Variants in VSNL1 observed in about 807,000 individuals in gnomAD.
The protein encoded by VSNL1 is visinin like 1.
Under a neutral mutation model 20.4 loss-of-function variants are expected in VSNL1, and 6 were observed. The observed-to-expected ratio is 0.29, with a 90% CI of 0.16 to 0.58. The LOEUF (loss-of-function observed/expected upper bound fraction) is 0.58, where lower values mean the gene tolerates loss of function less well. Ranked by LOEUF, VSNL1 falls within the 20% of genes least tolerant of loss-of-function variation. The pLI is 0.90. For synonymous variants in VSNL1, 93 were observed against 86.4 expected, an observed-to-expected ratio of 1.08 and a Z score of -0.42; for missense variants, 100 against 234.5, an observed-to-expected ratio of 0.43 and a Z score of 3.75.
intron 2 of VSNL1, among the ~76,000 whole-genome samples, chr2:17,599,594 C>T (rs62132134): frequency 6.6e-6 from 1 of 152,036 alleles, no homozygotes; most frequent in South Asian, 2.1e-4. Context: ...TTGTTTCTCA[C>T]TCCCTCTTTT....
At chr2:17,576,787 A>G (rs1215002154) in intron 1 of VSNL1, among the ~76,000 whole-genome samples, 2 of 152,064 alleles carry the variant, frequency 1.3e-5, no homozygotes, top group Non-Finnish European at 2.9e-5. Flanking sequence ...GTCCATCTTG[A>G]CCTTAATAAT....
At position 17,583,350 on chromosome 2, in the gene VSNL1, C is replaced by T. The variant is rs540446482; in HGVS notation, c.-5-8720C>T. On this transcript the variant is annotated intron_variant, in intron 1 of 3. Coordinates refer to ENST00000295156, the MANE Select transcript of VSNL1 (RefSeq NM_003385.5). ...GCTGTTCTCAGATAAGGGCCACAGT[C>T]CCTCCCCACTGGGACTTGGCAGCAC... Among the ~76,000 whole-genome samples, 11 of 152,360 alleles carry T rather than the reference C, an allele frequency of 7.2e-5. No individual in the cohort carries two copies. The South Asian group carries it at 2.3e-3, about 32-fold the overall frequency.
chr2:17,601,397 A>G (rs906868789), intron 2 of VSNL1, among the ~76,000 whole-genome samples: 5 of 152,172 alleles, frequency 3.3e-5, no homozygotes, highest in Non-Finnish European at 7.4e-5. Flanking sequence ...GCACTTTGGG[A>G]GGCCTAGGTG....
intron 1 of VSNL1, among the ~76,000 whole-genome samples, chr2:17,548,282 C>T (rs956649405): frequency 3.3e-5 from 5 of 151,570 alleles, no homozygotes; most frequent in African/African-American, 1.2e-4. Context: ...TTTCAATTTC[C>T]TTCAGGTTTT....
chr2:17,620,716 A>G (rs562514680), intron 2 of VSNL1, among the ~76,000 whole-genome samples: 144 of 152,336 alleles, frequency 9.5e-4, no homozygotes, highest in African/African-American at 3.2e-3. Flanking sequence ...TTATCGAGTG[A>G]CGCTACAAAT....
In VSNL1 at chr2:17,642,080, A is replaced by G. The variant is rs74670813; in HGVS notation, c.163-7330A>G. 4.2e-3 allele frequency among the ~76,000 whole-genome samples: 645 copies of G among 152,310 alleles called. 7 individuals carry two copies. Among genetic ancestry groups the G allele is most frequent in the African/African-American group, 0.014 (602 of 41,576 alleles). On this transcript the variant is annotated intron_variant, in intron 2 of 3. Coordinates refer to ENST00000295156, the MANE Select transcript of VSNL1 (RefSeq NM_003385.5). ...TATATCCAGGGAAACGAAAGTCCCA[A>G]GAGACAAGATGACGTGACCTTAGTC... is the stretch of plus-strand genomic sequence containing the variant.
chr2:17,584,034 C>T (rs989701120), intron 1 of VSNL1, among the ~76,000 whole-genome samples: 1 of 152,160 alleles, frequency 6.6e-6, no homozygotes, highest in Admixed American at 6.5e-5. Flanking sequence ...TCACAACAAC[C>T]CTTTGAGCAA....
At chr2:17,584,652 C>T (rs1355018311) in intron 1 of VSNL1, among the ~76,000 whole-genome samples, 1 of 152,172 alleles carries the variant, frequency 6.6e-6, no homozygotes, top group Non-Finnish European at 1.5e-5. Context: ...GGAAACTTCA[C>T]TGGGAGCAGC....
At chr2:17,563,197 A>C (rs1663858652) in intron 1 of VSNL1, among the ~76,000 whole-genome samples, 1 of 152,256 alleles carries the variant, frequency 6.6e-6, no homozygotes, top group Admixed American at 6.5e-5. Context: ...ATCAAGCACC[A>C]CTTACATGTG....
chr2:17,580,469 G>A (rs1271945618), intron 1 of VSNL1, among the ~76,000 whole-genome samples: 1 of 152,216 alleles, frequency 6.6e-6, no homozygotes, highest in Non-Finnish European at 1.5e-5. Flanking sequence ...AGGCCTGTGT[G>A]AGTTTTCTGT....
At chr2:17,607,108 G>A (rs1243080701) in intron 2 of VSNL1, among the ~76,000 whole-genome samples, 1 of 152,150 alleles carries the variant, frequency 6.6e-6, no homozygotes, top group Non-Finnish European at 1.5e-5. Flanking sequence ...AACCCTTTGT[G>A]TCAAGGCCTG....
chr2:17,635,563 T>C (rs1025095925), intron 2 of VSNL1, among the ~76,000 whole-genome samples: 1 of 152,268 alleles, frequency 6.6e-6, no homozygotes, highest in African/African-American at 2.4e-5. Flanking sequence ...GATTCTGCAG[T>C]TGGATTTTCT....
At chr2:17,626,706 A>G (rs1665516980) in intron 2 of VSNL1, among the ~76,000 whole-genome samples, 1 of 152,220 alleles carries the variant, frequency 6.6e-6, no homozygotes, top group African/African-American at 2.4e-5. Flanking sequence ...CCCAACTGCC[A>G]GCAGCTCTCT....
At position 17,617,235 on chromosome 2, in the gene VSNL1, C is replaced by T. The variant is rs565415181; in HGVS notation, c.162+24999C>T. Among the ~76,000 whole-genome samples, 11 of 152,252 alleles carry T rather than the reference C, an allele frequency of 7.2e-5. No homozygotes were observed. In the South Asian group the frequency reaches 2.3e-3, roughly 32 times the overall value. ...GAGGTCCCAGGCGAGGTGGCTCATA[C>T]CTGTAATTGAGCACTTTGAGAGCCC... On this transcript the variant is annotated intron_variant, in intron 2 of 3. Coordinates refer to ENST00000295156, the MANE Select transcript of VSNL1 (RefSeq NM_003385.5).
chr2:17,557,786 C>T (rs778723498), intron 1 of VSNL1, among the ~76,000 whole-genome samples: 1 of 152,166 alleles, frequency 6.6e-6, no homozygotes, highest in Non-Finnish European at 1.5e-5. Flanking sequence ...GGTAAATCTC[C>T]AAGGGAAGCT....
At chr2:17,590,584 G>T (rs1664574924) in intron 1 of VSNL1, among the ~76,000 whole-genome samples, 4 of 152,158 alleles carry the variant, frequency 2.6e-5, no homozygotes, top group Admixed American at 2.6e-4. Flanking sequence ...TGCATTTTGT[G>T]CTGCCGAGAT....
At chr2:17,641,076 G>C (rs544152853) in intron 2 of VSNL1, among the ~76,000 whole-genome samples, 1 of 152,332 alleles carries the variant, frequency 6.6e-6, no homozygotes, top group South Asian at 2.1e-4. Context: ...ATTCCAGTAG[G>C]GTTCTAATTG....
At position 17,574,112 on chromosome 2, in the gene VSNL1, C is replaced by G. The variant is rs114745922; in HGVS notation, c.-5-17958C>G. Reference sequence around the variant, plus strand: ...GGTAATTTCCATTGACTTCAAGTTTCGAAGCTTGTCCTGACACCCATTCTA... The same window carrying G: ...GGTAATTTCCATTGACTTCAAGTTTGGAAGCTTGTCCTGACACCCATTCTA... On this transcript the variant is annotated intron_variant, in intron 1 of 3. Transcript: ENST00000295156. Among the ~76,000 whole-genome samples, 332 of 152,278 alleles carry G rather than the reference C, an allele frequency of 2.2e-3. 1 individual carries two copies. The highest frequency in any genetic ancestry group is 3.4e-3 in the Middle Eastern group (1 of 294).
intron 1 of VSNL1, among the ~76,000 whole-genome samples, chr2:17,543,185 C>T (rs563535136): frequency 4.6e-5 from 7 of 152,308 alleles, no homozygotes; most frequent in African/African-American, 1.7e-4. Context: ...TCTAATATCC[C>T]CACCTCTTTG....
Sources: gnomAD v4.1 joint callset for allele counts (sites outside exome capture counted in the v4.1 genomes callset) on GRCh38, gnomAD v4.1.1 for gene constraint, MANE v1.5 for transcripts, NCBI Gene and HGNC (gene_info 2026-07-23, HGNC 2026-07-21) for gene names.